KCNIP4: variants seen among roughly 807,000 people sequenced by gnomAD.
KCNIP4 encodes potassium voltage-gated channel interacting protein 4.
A neutral mutation model predicts 34.0 loss-of-function variants in KCNIP4; 12 were observed. The ratio of observed to expected loss-of-function variants is 0.35; its 90% CI spans 0.23 to 0.57. KCNIP4 has a LOEUF of 0.57. Ranked by LOEUF, KCNIP4 falls within the 20% of genes least tolerant of loss-of-function variation. The pLI, the probability that KCNIP4 is intolerant of heterozygous loss-of-function variation, is 0.83. For missense variants in KCNIP4, 238 were observed against 311.7 expected, an observed-to-expected ratio of 0.76 and a Z score of 1.78; for synonymous variants, 124 against 102.2, an observed-to-expected ratio of 1.21 and a Z score of -1.29.
At chr4:21,069,339 T>A (rs138125742) in intron 1 of KCNIP4, among the ~76,000 whole-genome samples, 84 of 152,312 alleles carry the variant, frequency 5.5e-4, no homozygotes, top group African/African-American at 1.9e-3. Flanking sequence ...CTTTATTTGG[T>A]TTCATTCAGC....
chr4:21,895,560 A>C (rs1727337776), intron 1 of KCNIP4, among the ~76,000 whole-genome samples: 1 of 152,198 alleles, frequency 6.6e-6, no homozygotes, highest in South Asian at 2.1e-4. Flanking sequence ...CACAAGAATT[A>C]AATAAGTCCA....
At chr4:21,858,228 C>T (rs543650234) in intron 1 of KCNIP4, among the ~76,000 whole-genome samples, 1 of 152,338 alleles carries the variant, frequency 6.6e-6, no homozygotes, top group South Asian at 2.1e-4. Context: ...GGCAAAGGCG[C>T]CACTGGCCAC....
intron 1 of KCNIP4, among the ~76,000 whole-genome samples, chr4:21,931,581 C>A (rs1376454501): frequency 6.6e-6 from 1 of 151,842 alleles, no homozygotes; most frequent in Non-Finnish European, 1.5e-5. Flanking sequence ...ATCCATGTCC[C>A]TACAAAGGAC....
At chr4:21,281,919 T>C (rs771951614) in intron 1 of KCNIP4, among the ~76,000 whole-genome samples, 19 of 152,200 alleles carry the variant, frequency 1.2e-4, no homozygotes, top group Non-Finnish European at 2.5e-4. Flanking sequence ...CAAAATGCTA[T>C]TGGAAAGTGG....
intron 1 of KCNIP4, among the ~76,000 whole-genome samples, chr4:21,728,689 A>G (rs1336451512): frequency 1.3e-5 from 2 of 151,936 alleles, no homozygotes; most frequent in Admixed American, 1.3e-4. Context: ...CCTCTTCTTC[A>G]CTCTGGATCA....
intron 1 of KCNIP4, among the ~76,000 whole-genome samples, chr4:21,746,055 G>A (rs935410365): frequency 6.6e-6 from 1 of 152,056 alleles, no homozygotes; most frequent in Admixed American, 6.6e-5. Flanking sequence ...TCCTTGGTTT[G>A]CAAATGGCCA....
At chr4:21,786,767 C>T (rs987448094) in intron 1 of KCNIP4, among the ~76,000 whole-genome samples, 3 of 151,952 alleles carry the variant, frequency 2.0e-5, no homozygotes, top group African/African-American at 2.4e-5. Flanking sequence ...GGGGTTTCAT[C>T]GTGTTAGCCA....
At chr4:21,419,447 A>G (rs1725255908) in intron 1 of KCNIP4, among the ~76,000 whole-genome samples, 2 of 152,142 alleles carry the variant, frequency 1.3e-5, no homozygotes, top group African/African-American at 4.8e-5. Flanking sequence ...CAAATTTAAT[A>G]TCGCCTCTAT....
intron 3 of KCNIP4, among the ~76,000 whole-genome samples, chr4:20,781,967 G>C (rs1020549922): frequency 6.6e-6 from 1 of 152,146 alleles, no homozygotes; most frequent in Non-Finnish European, 1.5e-5. Context: ...GATACAATGG[G>C]AGTACAGGTA....
chr4:20,981,054 G>C (rs952204514), intron 1 of KCNIP4, among the ~76,000 whole-genome samples: 4 of 152,110 alleles, frequency 2.6e-5, no homozygotes, highest in African/African-American at 7.2e-5. Flanking sequence ...TTTCTGCTTA[G>C]ACAATGTCAT....
intron 1 of KCNIP4, among the ~76,000 whole-genome samples, chr4:21,944,723 T>C (rs1373252155): frequency 6.6e-6 from 1 of 152,186 alleles, no homozygotes; most frequent in Non-Finnish European, 1.5e-5. Context: ...CAGGACAGAA[T>C]ACTTCTGCTC....
intron 1 of KCNIP4, among the ~76,000 whole-genome samples, chr4:20,924,364 T>A (rs1467646869): frequency 6.6e-6 from 1 of 152,238 alleles, no homozygotes; most frequent in Non-Finnish European, 1.5e-5. Flanking sequence ...GCACGATCTT[T>A]GTGTCAGATG....
chr4:21,069,771 G>T (rs1744726058), intron 1 of KCNIP4, among the ~76,000 whole-genome samples: 1 of 152,122 alleles, frequency 6.6e-6, no homozygotes, highest in African/African-American at 2.4e-5. Flanking sequence ...ATAGGAAATT[G>T]CATAGTTAGT....
chr4:21,676,249 G>C (rs1049945381), intron 1 of KCNIP4, among the ~76,000 whole-genome samples: 1 of 152,022 alleles, frequency 6.6e-6, no homozygotes, highest in South Asian at 2.1e-4. Context: ...GCCACCTCAC[G>C]TTTAACAAAG....
At chr4:21,694,434 T>C (rs1712035495) in intron 1 of KCNIP4, among the ~76,000 whole-genome samples, 1 of 152,140 alleles carries the variant, frequency 6.6e-6, no homozygotes, top group Admixed American at 6.6e-5. Flanking sequence ...CAAATAAACT[T>C]TTAAAAAGCA....
intron 1 of KCNIP4, among the ~76,000 whole-genome samples, chr4:21,682,074 TA>T (rs1750406616): frequency 1.3e-5 from 2 of 151,978 alleles, no homozygotes; most frequent in African/African-American, 4.8e-5. Context: ...GTAATTTTAG[TA>T]GAGACAGGGT....
chr4:21,232,802 G>T (rs1416675579), intron 1 of KCNIP4, among the ~76,000 whole-genome samples: 1 of 152,140 alleles, frequency 6.6e-6, no homozygotes, highest in Non-Finnish European at 1.5e-5. Context: ...AATGCAATAT[G>T]ATGTATATGT....
At chr4:21,735,714 G>A (rs1406157660) in intron 1 of KCNIP4, among the ~76,000 whole-genome samples, 1 of 152,124 alleles carries the variant, frequency 6.6e-6, no homozygotes, top group Non-Finnish European at 1.5e-5. Flanking sequence ...GGTCAGAGAA[G>A]ACTTCCTGGA....
Position 21,792,849 on chromosome 4 carries a change from A to C in KCNIP4, c.61+155722T>G, listed in dbSNP as rs576229052. On this transcript the variant is annotated intron_variant, in intron 1 of 8. Coordinates refer to ENST00000382152, the MANE Select transcript of KCNIP4 (RefSeq NM_025221.6). ...CTTCCTGTAATGTTGAGAAGCATCC[A>C]TAGTTTCCTATTTCTTTGTAAATAC... Among the ~76,000 whole-genome samples the C allele has an allele frequency of 5.9e-5, 9 of 152,384 alleles. No individual in the cohort carries two copies. The South Asian group carries it at 1.9e-3, about 32-fold the overall frequency.
Sources: gnomAD v4.1 joint callset for allele counts (sites outside exome capture counted in the v4.1 genomes callset) on GRCh38, gnomAD v4.1.1 for gene constraint, MANE v1.5 for transcripts, NCBI Gene and HGNC (gene_info 2026-07-23, HGNC 2026-07-21) for gene names.